Variants in SORCS3 observed in about 807,000 individuals in gnomAD.
The protein encoded by SORCS3 is sortilin related VPS10 domain containing receptor 3, also known as VPS10 domain-containing receptor SorCS3.
Under a neutral mutation model 146.3 loss-of-function variants are expected in SORCS3, and 57 were observed. The ratio of observed to expected loss-of-function variants is 0.39; its 90% CI spans 0.31 to 0.49. The LOEUF (loss-of-function observed/expected upper bound fraction) is 0.49. Ranked by LOEUF, SORCS3 falls within the 20% of genes least tolerant of loss-of-function variation. The pLI is 0.92. For synonymous variants in SORCS3, 653 were observed against 618.5 expected (o/e 1.06, Z -0.83); for missense variants, 1,341 against 1,575.5 (o/e 0.85, Z 2.52).
At chr10:104,754,386 A>G (rs980262567) in intron 1 of SORCS3, among the ~76,000 whole-genome samples, 1 of 152,158 alleles carries the variant, frequency 6.6e-6, no homozygotes, top group Non-Finnish European at 1.5e-5. Context: ...ATTGGATTGT[A>G]TGGCCAGGTT....
chr10:104,734,244 A>G (rs997386585), intron 1 of SORCS3, among the ~76,000 whole-genome samples: 2 of 152,118 alleles, frequency 1.3e-5, no homozygotes, highest in African/African-American at 2.4e-5. Flanking sequence ...TAGAGATGCA[A>G]TTCTTTATTG....
chr10:105,124,523 T>C (rs998356753), intron 7 of SORCS3, among the ~76,000 whole-genome samples: 1 of 152,184 alleles, frequency 6.6e-6, no homozygotes, highest in Non-Finnish European at 1.5e-5. Context: ...TTCTTCCTTC[T>C]ACTATTTCAT....
intron 4 of SORCS3, among the ~76,000 whole-genome samples, chr10:105,011,625 G>A (rs146712910): frequency 6.6e-6 from 1 of 152,128 alleles, no homozygotes; most frequent in African/African-American, 2.4e-5. Context: ...TCTGAGGTGA[G>A]GTAGTGTGTC....
intron 3 of SORCS3, among the ~76,000 whole-genome samples, chr10:104,954,882 C>T (rs1034240907): frequency 6.6e-6 from 1 of 152,132 alleles, no homozygotes; most frequent in Non-Finnish European, 1.5e-5. Flanking sequence ...TTTTACTTAA[C>T]ATTATCATCC....
chr10:105,039,261 C>T (rs2055324060), intron 4 of SORCS3, among the ~76,000 whole-genome samples: 1 of 152,118 alleles, frequency 6.6e-6, no homozygotes, highest in Admixed American at 6.5e-5. Flanking sequence ...GACAAGGTAG[C>T]TAACTCAAAG....
chr10:105,040,822 A>G (rs1487614291), intron 4 of SORCS3, among the ~76,000 whole-genome samples: 3 of 151,944 alleles, frequency 2.0e-5, no homozygotes, highest in Non-Finnish European at 4.4e-5. Context: ...GTTTAGATAA[A>G]TACTGTGAGA....
rs536192169 is a variant in SORCS3 at position 105,046,267 on chromosome 10, A to G, written c.1028+3139A>G. ...TTCAGAAGAAATATTACAAATAACA[A>G]TATTTGATTGTTGTGATTCATAGCT... On this transcript the variant is annotated intron_variant, in intron 5 of 26. Coordinates refer to ENST00000369701, the MANE Select transcript of SORCS3 (RefSeq NM_014978.3). Among the ~76,000 whole-genome samples the G allele has an allele frequency of 2.6e-5, 4 of 152,218 alleles. No homozygotes were observed. The East Asian group carries it at 7.7e-4, about 29-fold the overall frequency.
At chr10:104,968,657 G>A (rs897978018) in intron 3 of SORCS3, among the ~76,000 whole-genome samples, 10 of 152,216 alleles carry the variant, frequency 6.6e-5, no homozygotes, top group East Asian at 5.8e-4. Context: ...TGTCCTGTTC[G>A]TATTGCCAAA....
At chr10:105,126,316 T>C (rs1232251989) in intron 7 of SORCS3, among the ~76,000 whole-genome samples, 2 of 152,138 alleles carry the variant, frequency 1.3e-5, no homozygotes, top group African/African-American at 4.8e-5. Flanking sequence ...ACCTTGGCAC[T>C]TCTGCCCTGC....
At chr10:104,996,658 A>T (rs2055029534) in intron 4 of SORCS3, among the ~76,000 whole-genome samples, 1 of 152,204 alleles carries the variant, frequency 6.6e-6, no homozygotes, top group Non-Finnish European at 1.5e-5. Context: ...GATAGGCCAT[A>T]TTCTGGTCAT....
chr10:105,053,155 G>A (rs1275907830), intron 5 of SORCS3, among the ~76,000 whole-genome samples: 1 of 152,030 alleles, frequency 6.6e-6, no homozygotes, highest in African/African-American at 2.4e-5. Flanking sequence ...CATTATGAGA[G>A]CCCCACCCTC....
At chr10:104,953,908 C>T in intron 3 of SORCS3, among the ~76,000 whole-genome samples, 1 of 152,136 alleles carries the variant, frequency 6.6e-6, no homozygotes, top group South Asian at 2.1e-4. Flanking sequence ...AAATAGCAAC[C>T]TAACATAGGA....
At chr10:105,221,497 G>A (rs1452836701) in intron 19 of SORCS3, among the ~76,000 whole-genome samples, 4 of 152,140 alleles carry the variant, frequency 2.6e-5, no homozygotes, top group Non-Finnish European at 5.9e-5. Flanking sequence ...ATATAAGGAA[G>A]GCAGAGCAAA....
intron 9 of SORCS3, 46 bp from the exon 10 acceptor site, chr10:105,157,092 G>C (rs376687092): frequency 6.2e-7 from 1 of 1,602,140 alleles, no homozygotes; most frequent in African/African-American, 1.4e-5. Flanking sequence ...AAGACCAAAG[G>C]CATGTTGGCC....
chr10:105,072,276 C>T lies in SORCS3; in HGVS notation c.1029-17499C>T, dbSNP rs776202672. ...AGCAACTTGCTGCCTCATCTTCTCACGTTAGCCCTTTTAGCAATTGATCTT... is the reference window on the plus strand; with the variant it reads ...AGCAACTTGCTGCCTCATCTTCTCATGTTAGCCCTTTTAGCAATTGATCTT... On this transcript the variant is annotated intron_variant, in intron 5 of 26. Transcript: ENST00000369701. Among the ~76,000 whole-genome samples, 62 of 152,114 alleles carry T rather than the reference C, an allele frequency of 4.1e-4. 1 individual carries two copies. The highest frequency in any genetic ancestry group is 6.9e-4 in the Non-Finnish European group (47 of 68,026).
chr10:104,964,086 C>T (rs2054813066), intron 3 of SORCS3, among the ~76,000 whole-genome samples: 1 of 152,014 alleles, frequency 6.6e-6, no homozygotes, highest in Non-Finnish European at 1.5e-5. Context: ...GATTTTTTTC[C>T]CCACATCCTC....
chr10:104,642,476 G>A (rs2015437891), intron 1 of SORCS3, among the ~76,000 whole-genome samples: 1 of 148,662 alleles, frequency 6.7e-6, no homozygotes, highest in South Asian at 2.1e-4. Flanking sequence ...GCTGCTATCC[G>A]CTCCAGGCGC....
At chr10:105,132,435 A>G (rs1051520166) in intron 7 of SORCS3, among the ~76,000 whole-genome samples, 5 of 152,192 alleles carry the variant, frequency 3.3e-5, no homozygotes, top group Non-Finnish European at 5.9e-5. Flanking sequence ...ATGTCTACTT[A>G]TAAATTCTAG....
intron 20 of SORCS3, among the ~76,000 whole-genome samples, chr10:105,236,975 G>A (rs1459023517): frequency 1.3e-5 from 2 of 151,948 alleles, no homozygotes; most frequent in Admixed American, 6.6e-5. Context: ...TATATATTAT[G>A]CCATATTATG....
Sources: allele counts gnomAD v4.1 joint callset (sites outside exome capture counted in the v4.1 genomes callset), GRCh38; gene constraint gnomAD v4.1.1; transcripts MANE v1.5; gene names NCBI Gene and HGNC (gene_info 2026-07-23, HGNC 2026-07-21).